Variants in DHRSX observed in about 807,000 individuals in gnomAD.
DHRSX encodes polyprenol dehydrogenase.
In DHRSX, 31 loss-of-function variants were observed where a neutral mutation model predicts 34.0. That is an observed-to-expected ratio of 0.91 (90% CI 0.69 to 1.23). The LOEUF (loss-of-function observed/expected upper bound fraction) is 1.23. DHRSX is among the 50% of genes most tolerant of loss of function. The pLI is 0.00. For missense variants in DHRSX, 414 were observed against 428.1 expected, an observed-to-expected ratio of 0.97 and a Z score of 0.29; for synonymous variants, 201 against 183.8, an observed-to-expected ratio of 1.09 and a Z score of -0.76.
intron 1 of DHRSX, among the ~76,000 whole-genome samples, chrX:2,448,561 G>C (rs28535606): frequency 0.62 from 91,406 of 146,766 alleles, 30,141 homozygotes; most frequent in African/African-American, 0.85. Context: ...TAATTAGCTT[G>C]ATTGTTAATG....
chrX:2,265,242 A>G (rs1454589463), intron 5 of DHRSX, among the ~76,000 whole-genome samples: 2 of 14,852 alleles, frequency 1.3e-4, no homozygotes, highest in Admixed American at 5.7e-4. Context: ...ACCAGTGCTC[A>G]GCAGACGCAG....
intron 4 of DHRSX, among the ~76,000 whole-genome samples, chrX:2,270,029 ATG>A (rs1159231480): frequency 2.0e-5 from 3 of 151,790 alleles, no homozygotes; most frequent in Non-Finnish European, 2.9e-5. Flanking sequence ...GCATTTCTCT[ATG>A]TGTTTGTATA....
chrX:2,405,270 T>C (rs2043538036), intron 3 of DHRSX, among the ~76,000 whole-genome samples: 1 of 149,068 alleles, frequency 6.7e-6, no homozygotes, highest in South Asian at 2.1e-4. Context: ...GGGTGGATCA[T>C]GAGGTCAGGA....
chrX:2,256,030 T>TTC (rs1020339121), intron 5 of DHRSX, among the ~76,000 whole-genome samples: 8 of 151,290 alleles, frequency 5.3e-5, no homozygotes, highest in African/African-American at 1.9e-4. Flanking sequence ...TTTTTTTTTT[T>TTC]TCTCTCCAGG....
At chrX:2,349,985 G>A (rs1242304712) in intron 3 of DHRSX, among the ~76,000 whole-genome samples, 1 of 151,776 alleles carries the variant, frequency 6.6e-6, no homozygotes, top group African/African-American at 2.4e-5. Context: ...CTTGCAGTAA[G>A]CCGAGATCGC....
chrX:2,350,317 C>T (rs918098722), intron 3 of DHRSX, among the ~76,000 whole-genome samples: 4 of 152,144 alleles, frequency 2.6e-5, no homozygotes, highest in African/African-American at 9.7e-5. Context: ...CGCCACTGCA[C>T]TGCAGCCTGG....
chrX:2,453,285 A>G (rs1739873911), intron 1 of DHRSX, among the ~76,000 whole-genome samples: 1 of 152,038 alleles, frequency 6.6e-6, no homozygotes, highest in Non-Finnish European at 1.5e-5. Context: ...TGGAATCACA[A>G]TGCTATGGAA....
intron 3 of DHRSX, among the ~76,000 whole-genome samples, chrX:2,296,612 AGATAGGAATAG>A (rs2124497398): frequency 3.7e-5 from 1 of 26,686 alleles, no homozygotes; most frequent in African/African-American, 2.5e-4. Context: ...GACCCCAGGC[AGATAGGAATAG>A]GACCCAGGCA....
intron 3 of DHRSX, among the ~76,000 whole-genome samples, chrX:2,307,534 C>T (rs2042113098): frequency 6.6e-6 from 1 of 151,900 alleles, no homozygotes; most frequent in Non-Finnish European, 1.5e-5. Context: ...GAGGCCGAGG[C>T]GGGTGGATCA....
chrX:2,286,140 T>C (rs2041802511), intron 4 of DHRSX, among the ~76,000 whole-genome samples: 1 of 152,170 alleles, frequency 6.6e-6, no homozygotes, highest in Non-Finnish European at 1.5e-5. Flanking sequence ...AGATGAATTC[T>C]GATGCACAAA....
At chrX:2,253,841 A>C (rs73183492) in intron 5 of DHRSX, among the ~76,000 whole-genome samples, 19,747 of 152,194 alleles carry the variant, frequency 0.13, 1,822 homozygotes, top group Non-Finnish European at 0.19. Flanking sequence ...CGGGCGGATC[A>C]CGAGGTCAGA....
intron 3 of DHRSX, among the ~76,000 whole-genome samples, chrX:2,386,749 C>T (rs1295898327): frequency 6.6e-6 from 1 of 152,166 alleles, no homozygotes; most frequent in Non-Finnish European, 1.5e-5. Flanking sequence ...ATTTTTATTA[C>T]ATGTTATTTC....
chrX:2,247,866 G>A (rs1011146413), intron 5 of DHRSX, among the ~76,000 whole-genome samples: 5 of 151,890 alleles, frequency 3.3e-5, no homozygotes, highest in African/African-American at 1.2e-4. Context: ...TCGCCCCAAG[G>A]GCACCACGGA....
intron 5 of DHRSX, among the ~76,000 whole-genome samples, chrX:2,260,380 C>T (rs1179858322): frequency 8.6e-5 from 13 of 151,184 alleles, no homozygotes; most frequent in Non-Finnish European, 1.5e-4. Context: ...GGTGTGTGGC[C>T]GCATCACTCC....
chrX:2,284,294 A>T (rs1253102599), intron 4 of DHRSX, among the ~76,000 whole-genome samples: 2 of 152,046 alleles, frequency 1.3e-5, no homozygotes, highest in East Asian at 3.9e-4. Flanking sequence ...TCATTTGTTC[A>T]TTCCTTTGAA....
At chrX:2,490,443 C>T in intron 1 of DHRSX, 3 of 1,613,818 alleles carry the variant, frequency 1.9e-6, no homozygotes, top group East Asian at 2.2e-5. Flanking sequence ...TTGGAGAAGG[C>T]GGTGGCGAAG....
At position 2,262,807 on chromosome X, in the gene DHRSX, G is replaced by A. The variant is rs191325784; in HGVS notation, c.596+3933C>T. Among the ~76,000 whole-genome samples the A allele has an allele frequency of 1.5e-3, 219 of 143,458 alleles. 3 individuals are homozygous for A. Among genetic ancestry groups the A allele is most frequent in the African/African-American group, 5.0e-3 (191 of 38,334 alleles). 94.1% of individuals were successfully genotyped at this position (143,458 alleles called of 152,430 possible). On this transcript the variant is annotated intron_variant, in intron 5 of 6. Coordinates refer to ENST00000334651, the MANE Select transcript of DHRSX (RefSeq NM_145177.3). ...TTCACACTTCATGCAGGATCCCATC[G>A]AGGCCGACTCCCTCATCCCACACCC...
At chrX:2,488,615 T>C (rs1206769009) in intron 1 of DHRSX, 1 of 1,571,946 alleles carries the variant, frequency 6.4e-7, no homozygotes, top group African/African-American at 1.4e-5. Context: ...GGATGACTTG[T>C]AAGACAACAC....
chrX:2,488,474 CCT>C, intron 1 of DHRSX: 1 of 995,892 alleles, frequency 1.0e-6, no homozygotes, highest in Non-Finnish European at 1.4e-6. Context: ...CGCCCCCGAC[CCT>C]CTCTCACTTC....
Sources: allele counts gnomAD v4.1 joint callset (sites outside exome capture counted in the v4.1 genomes callset), GRCh38; gene constraint gnomAD v4.1.1; transcripts MANE v1.5; gene names NCBI Gene and HGNC (gene_info 2026-07-23, HGNC 2026-07-21).